Variants in SCP2 observed in about 807,000 individuals in gnomAD.
SCP2 encodes SCP-2/3-oxoacyl-CoA thiolase.
SCP2 carries 48 observed loss-of-function variants against 71.4 expected under a neutral mutation model. The observed-to-expected ratio is 0.67, with a 90% CI of 0.53 to 0.86. The LOEUF (loss-of-function observed/expected upper bound fraction) is 0.86. Ranked by LOEUF, SCP2 falls within the 40% of genes least tolerant of loss-of-function variation. The pLI is 0.00. For missense variants in SCP2, 560 were observed against 655.6 expected (o/e 0.85, Z 1.59); for synonymous variants, 220 against 218.1 (o/e 1.01, Z -0.08).
chr1:52,953,981 CA>C (rs36122767), intron 4 of SCP2, among the ~76,000 whole-genome samples: 92,390 of 141,322 alleles, frequency 0.65, 30,873 homozygotes, highest in African/African-American at 0.83. Flanking sequence ...GACACTGTCT[CA>C]AAAAAAAAAA....
intron 13 of SCP2, among the ~76,000 whole-genome samples, chr1:53,038,650 C>T (rs983677083): frequency 6.6e-6 from 1 of 152,110 alleles, no homozygotes; most frequent in African/African-American, 2.4e-5. Flanking sequence ...AGTGATCCCC[C>T]CACCTCTGCC....
chr1:53,024,061 T>C (rs1453259239), intron 12 of SCP2, among the ~76,000 whole-genome samples: 1 of 152,148 alleles, frequency 6.6e-6, no homozygotes, highest in Non-Finnish European at 1.5e-5. Context: ...TTTTTCCAGG[T>C]TCCTTACCAT....
intron 15 of SCP2, chr1:53,050,246 G>T: frequency 4.0e-6 from 1 of 248,334 alleles, no homozygotes; most frequent in African/African-American, 2.3e-5. Flanking sequence ...TTTTGTGTAT[G>T]CTTTTTCTCT....
intron 2 of SCP2, among the ~76,000 whole-genome samples, chr1:52,945,184 A>T (rs1654662346): frequency 6.6e-6 from 1 of 151,692 alleles, no homozygotes; most frequent in African/African-American, 2.4e-5. Flanking sequence ...TATCCTATTT[A>T]TTTATTTATT....
At chr1:52,981,377 A>G (rs1658480033) in intron 10 of SCP2, among the ~76,000 whole-genome samples, 1 of 152,198 alleles carries the variant, frequency 6.6e-6, no homozygotes, top group Non-Finnish European at 1.5e-5. Context: ...GTAAGTGTGA[A>G]GTACACATGG....
At chr1:52,950,723 C>G (rs930337882) in intron 3 of SCP2, 32 bp from the exon 4 acceptor site, 2 of 1,594,438 alleles carry the variant, frequency 1.3e-6, no homozygotes, top group Non-Finnish European at 1.7e-6. Context: ...CTCCATAATT[C>G]TCCATATTAA....
chr1:52,999,525 T>C (rs1017916097), intron 11 of SCP2, among the ~76,000 whole-genome samples: 1 of 152,180 alleles, frequency 6.6e-6, no homozygotes. Context: ...GGTTTCTGAT[T>C]TTGTTTAGAT....
At chr1:53,012,517 G>T (rs79566296) in intron 11 of SCP2, among the ~76,000 whole-genome samples, 3 of 152,272 alleles carry the variant, frequency 2.0e-5, no homozygotes, top group Non-Finnish European at 2.9e-5. Flanking sequence ...AGGAGCATTT[G>T]CTCCCTTTGC....
intron 1 of SCP2, among the ~76,000 whole-genome samples, chr1:52,939,825 A>G (rs528062286): frequency 7.9e-5 from 12 of 151,990 alleles, no homozygotes; most frequent in Non-Finnish European, 1.2e-4. Context: ...GCTGGCCACC[A>G]TGACCAGCTC....
chr1:53,039,092 G>C lies in SCP2; in HGVS notation c.1468+46G>C, dbSNP rs145516725. The C allele has an allele frequency of 1.3e-3, 2,044 of 1,611,826 alleles. 9 individuals are homozygous for C. Among genetic ancestry groups the C allele is most frequent in the Middle Eastern group, 9.0e-3 (54 of 6,026 alleles). On this transcript the variant is annotated intron_variant, in intron 14 of 15. Transcript: ENST00000371514. ...ATTCTAGGAGCACTGACGAGTTTAC[G>C]AAGGCTGTCAGCTGGGAAAATGGGG...
At chr1:52,966,622 A>G (rs553833568) in intron 6 of SCP2, among the ~76,000 whole-genome samples, 40 of 152,128 alleles carry the variant, frequency 2.6e-4, no homozygotes, top group African/African-American at 9.2e-4. Context: ...GTGGTGGCTT[A>G]CGCCTGTAAT....
At chr1:53,036,926 G>A (rs1168787397) in intron 13 of SCP2, among the ~76,000 whole-genome samples, 1 of 151,984 alleles carries the variant, frequency 6.6e-6, no homozygotes, top group African/African-American at 2.4e-5. Context: ...TGGATCACTT[G>A]AGGTCAGGAG....
intron 11 of SCP2, chr1:52,993,126 A>G (rs1659645674): frequency 6.6e-7 from 1 of 1,513,180 alleles, no homozygotes; most frequent in South Asian, 1.1e-5. Context: ...TACCAACAAG[A>G]TGTAAACTGA....
intron 6 of SCP2, among the ~76,000 whole-genome samples, chr1:52,966,315 G>C (rs6663453): frequency 0.017 from 2,569 of 151,684 alleles, 44 homozygotes; most frequent in African/African-American, 0.057. Flanking sequence ...TTCCAGGAAT[G>C]GGTATTGAAT....
intron 14 of SCP2, among the ~76,000 whole-genome samples, chr1:53,046,509 T>TTGGA (rs1663830532): frequency 6.6e-6 from 1 of 152,208 alleles, no homozygotes; most frequent in Non-Finnish European, 1.5e-5. Flanking sequence ...CATTTTTATA[T>TTGGA]TGGATCGTCT....
chr1:53,025,850 G>A (rs1662093281), intron 12 of SCP2, among the ~76,000 whole-genome samples: 1 of 152,116 alleles, frequency 6.6e-6, no homozygotes, highest in African/African-American at 2.4e-5. Flanking sequence ...CATTTCTATG[G>A]ATTTCCAAAT....
In SCP2 at chr1:53,043,002, T is replaced by A. The variant is rs577368670; in HGVS notation, c.1468+3956T>A. Among the ~76,000 whole-genome samples the A allele has an allele frequency of 2.6e-5, 4 of 152,306 alleles. No homozygotes were observed. In the South Asian group the frequency reaches 8.3e-4, roughly 32 times the overall value. On this transcript the variant is annotated intron_variant, in intron 14 of 15. Coordinates refer to ENST00000371514, the MANE Select transcript of SCP2 (RefSeq NM_002979.5). ...TCTTTGATTAATCTAACATAACATA[T>A]TATTCCTTCATTCCTTTATTCTGAC...
intron 13 of SCP2, among the ~76,000 whole-genome samples, chr1:53,029,181 C>T (rs1662346412): frequency 6.6e-6 from 1 of 151,944 alleles, no homozygotes; most frequent in Admixed American, 6.6e-5. Flanking sequence ...AAAAATAACT[C>T]TCCAGAAAGA....
At chr1:52,937,110 A>G (rs1040290286) in intron 1 of SCP2, among the ~76,000 whole-genome samples, 1 of 152,100 alleles carries the variant, frequency 6.6e-6, no homozygotes, top group African/African-American at 2.4e-5. Flanking sequence ...AAACTAATGT[A>G]TATGTGGGGT....
Sources: gnomAD v4.1 joint callset for allele counts (sites outside exome capture counted in the v4.1 genomes callset) on GRCh38, gnomAD v4.1.1 for gene constraint, MANE v1.5 for transcripts, NCBI Gene and HGNC (gene_info 2026-07-23, HGNC 2026-07-21) for gene names.